The following LCORL variants were observed in gnomAD, a reference collection of about 807,000 sequenced individuals.
LCORL encodes the protein ligand-dependent nuclear receptor corepressor-like protein.
Under a neutral mutation model 141.8 loss-of-function variants are expected in LCORL, and 41 were observed. The observed-to-expected ratio is 0.29, with a 90% CI of 0.23 to 0.38. The LOEUF is 0.38. Among genes scored for constraint, LCORL ranks in the 10% least tolerant of loss-of-function variants. The probability of loss-of-function intolerance (pLI) is 1.00; values close to 1 mark genes in which losing one functional copy is unlikely to be tolerated. For missense variants in LCORL, 1,759 were observed against 2,035.0 expected, an observed-to-expected ratio of 0.86 and a Z score of 2.61; for synonymous variants, 618 against 694.1, an observed-to-expected ratio of 0.89 and a Z score of 1.72.
chr4:17,938,003 C>CTTTT (rs201471488), intron 4 of LCORL, among the ~76,000 whole-genome samples: 17 of 131,558 alleles, frequency 1.3e-4, no homozygotes, highest in East Asian at 4.3e-4. Context: ...TAAACAATTT[C>CTTTT]TTTTTTTTTT....
intron 1 of LCORL, among the ~76,000 whole-genome samples, chr4:18,013,684 G>A (rs1436790067): frequency 1.3e-5 from 2 of 152,146 alleles, no homozygotes; most frequent in Non-Finnish European, 2.9e-5. Context: ...AAGACTACTG[G>A]ACAAAATTAC....
chr4:18,007,240 T>C (rs1423315976), intron 1 of LCORL, among the ~76,000 whole-genome samples: 1 of 152,198 alleles, frequency 6.6e-6, no homozygotes, highest in Non-Finnish European at 1.5e-5. Flanking sequence ...TAAAGTAGGA[T>C]GAAAAATATA....
chr4:17,882,210 C>A, intron 6 of LCORL: 1 of 984,492 alleles, frequency 1.0e-6, no homozygotes, highest in Non-Finnish European at 1.2e-6. Flanking sequence ...AAAACACAAG[C>A]ATTTGACAAG....
chr4:17,921,586 A>G (rs903522387), intron 4 of LCORL, among the ~76,000 whole-genome samples: 3 of 152,144 alleles, frequency 2.0e-5, no homozygotes, highest in African/African-American at 7.2e-5. Context: ...AATCAAGTGC[A>G]TTTTCAGTGA....
chr4:17,930,150 T>C (rs1560359871), intron 4 of LCORL, among the ~76,000 whole-genome samples: 2 of 152,212 alleles, frequency 1.3e-5, no homozygotes. Context: ...TCATACAATG[T>C]TGGTGGCAAT....
intron 4 of LCORL, among the ~76,000 whole-genome samples, chr4:17,913,376 G>A (rs1471684873): frequency 1.3e-5 from 2 of 152,318 alleles, no homozygotes; most frequent in Middle Eastern, 3.4e-3. Flanking sequence ...ATTGTAAAAG[G>A]TGATGAAACA....
intron 4 of LCORL, chr4:17,912,519 T>C (rs1042422670): frequency 1.2e-5 from 6 of 487,890 alleles, no homozygotes; most frequent in Admixed American, 4.6e-5. Context: ...TCTCAGCAGA[T>C]TGAGGAGAGC....
At chr4:17,846,362 CAT>C (rs1722935603) in intron 7 of LCORL, among the ~76,000 whole-genome samples, 1 of 152,090 alleles carries the variant, frequency 6.6e-6, no homozygotes, top group Non-Finnish European at 1.5e-5. Flanking sequence ...TGCTTATCCT[CAT>C]AGTAAACAAT....
At chr4:17,883,007 G>A in intron 6 of LCORL, 1 of 971,118 alleles carries the variant, frequency 1.0e-6, no homozygotes, top group South Asian at 4.8e-5. Context: ...GGGTTCTATA[G>A]CTGCTGGGGT....
intron 4 of LCORL, among the ~76,000 whole-genome samples, chr4:17,922,952 G>C (rs1734531357): frequency 6.6e-6 from 1 of 152,190 alleles, no homozygotes; most frequent in Non-Finnish European, 1.5e-5. Flanking sequence ...TGCACTGCCT[G>C]AGGCAAAAGT....
chr4:17,914,935 T>G (rs1250631600), intron 4 of LCORL, among the ~76,000 whole-genome samples: 2 of 152,184 alleles, frequency 1.3e-5, no homozygotes, highest in East Asian at 3.8e-4. Flanking sequence ...TGTTGTATCA[T>G]GGGTGGTCTG....
chr4:17,867,908 T>G (rs1725879443), intron 7 of LCORL, among the ~76,000 whole-genome samples: 1 of 152,180 alleles, frequency 6.6e-6, no homozygotes, highest in African/African-American at 2.4e-5. Context: ...TTAGAGACTC[T>G]TTAAAACCTA....
intron 3 of LCORL, among the ~76,000 whole-genome samples, chr4:17,962,467 G>GA (rs1364736894): frequency 6.6e-6 from 1 of 151,942 alleles, no homozygotes; most frequent in African/African-American, 2.4e-5. Flanking sequence ...CACCACACAA[G>GA]AAGATGCTGG....
At chr4:17,909,609 T>C (rs1011617562) in intron 4 of LCORL, among the ~76,000 whole-genome samples, 4 of 152,084 alleles carry the variant, frequency 2.6e-5, no homozygotes, top group Non-Finnish European at 5.9e-5. Flanking sequence ...AATAAAGAAT[T>C]AGACATAGAA....
chr4:17,942,847 T>C (rs1013087747), intron 4 of LCORL, among the ~76,000 whole-genome samples: 7 of 151,002 alleles, frequency 4.6e-5, no homozygotes, highest in African/African-American at 1.5e-4. Flanking sequence ...TAGCAGGAGG[T>C]GAGCAGCCAG....
chr4:18,021,683 C>T lies in LCORL; in HGVS notation c.69G>A (p.Gln23=), dbSNP rs888541058. Residue 23 remains glutamine (Q), a synonymous_variant, in exon 1 of 8, where the codon CAG becomes CAA. Transcript: ENST00000635767. The surrounding 1 kb of genome is among the most constrained non-coding windows in gnomAD (Gnocchi z 5.5). ...CCGCCGCGCACCGAGGGCTCCGGCACTGAGCGGCGGCGGCGGCGGCGGCAG... is the reference window on the plus strand; with the variant it reads ...CCGCCGCGCACCGAGGGCTCCGGCATTGAGCGGCGGCGGCGGCGGCGGCAG... The T allele has an allele frequency of 6.5e-7, 1 of 1,537,904 alleles. No homozygotes were observed. The highest frequency in any genetic ancestry group is 2.5e-5 in the East Asian group (1 of 40,166).
chr4:17,984,901 A>C (rs1240131528), intron 1 of LCORL, among the ~76,000 whole-genome samples: 8 of 152,024 alleles, frequency 5.3e-5, no homozygotes, highest in Admixed American at 4.6e-4. Flanking sequence ...TAGTGCTACA[A>C]ATTTCTCTCT....
intron 7 of LCORL, among the ~76,000 whole-genome samples, chr4:17,858,357 T>A (rs1209774946): frequency 6.6e-6 from 1 of 151,372 alleles, no homozygotes; most frequent in Non-Finnish European, 1.5e-5. Flanking sequence ...GAATCGCGTA[T>A]CAGTGACCTG....
At chr4:17,994,484 AAAAT>A (rs1462027467) in intron 1 of LCORL, among the ~76,000 whole-genome samples, 3 of 152,116 alleles carry the variant, frequency 2.0e-5, no homozygotes, top group Non-Finnish European at 2.9e-5. Context: ...CTCATTCTTA[AAAAT>A]TGTAGTTTAA....
Sources: allele counts gnomAD v4.1 joint callset (sites outside exome capture counted in the v4.1 genomes callset), GRCh38; gene constraint gnomAD v4.1.1; non-coding constraint Gnocchi (gnomAD v3.1); transcripts MANE v1.5; gene names NCBI Gene and HGNC (gene_info 2026-07-23, HGNC 2026-07-21).